ADAMTS2: variants seen among roughly 807,000 people sequenced by gnomAD.
ADAMTS2 encodes the protein A disintegrin and metalloproteinase with thrombospondin motifs 2.
A neutral mutation model predicts 123.0 loss-of-function variants in ADAMTS2; 50 were observed. The ratio of observed to expected loss-of-function variants is 0.41; its 90% CI spans 0.32 to 0.51. The LOEUF is 0.51. Among genes scored for constraint, ADAMTS2 ranks in the 20% least tolerant of loss-of-function variants. The probability of loss-of-function intolerance (pLI) is 0.35; values close to 1 mark genes in which losing one functional copy is unlikely to be tolerated. For synonymous variants in ADAMTS2, 678 were observed against 695.4 expected (o/e 0.98, Z 0.39); for missense variants, 1,494 against 1,705.2 (o/e 0.88, Z 2.18).
chr5:179,252,424 C>T (rs1171029360), intron 3 of ADAMTS2, among the ~76,000 whole-genome samples: 4 of 152,032 alleles, frequency 2.6e-5, no homozygotes, highest in Non-Finnish European at 5.9e-5. Flanking sequence ...AATTTTTAGA[C>T]CTTTTTCTTT....
At chr5:179,266,686 C>T (rs564421941) in intron 3 of ADAMTS2, among the ~76,000 whole-genome samples, 2 of 152,344 alleles carry the variant, frequency 1.3e-5, no homozygotes, top group East Asian at 3.9e-4. Context: ...TCGACAGCTA[C>T]AGGGCAGAAA....
rs370704349 is a variant in ADAMTS2 at position 179,318,355 on chromosome 5, C to T, written c.534+25412G>A. Among the ~76,000 whole-genome samples, 21 of 152,276 alleles carry T rather than the reference C, an allele frequency of 1.4e-4. No individual in the cohort carries two copies. In the East Asian group the frequency reaches 4.1e-3, roughly 29 times the overall value. On this transcript the variant is annotated intron_variant, in intron 2 of 21. Transcript: ENST00000251582. ...GAGCCCTCATTAAAAAGGCATGAGA[C>T]TAAAGCAAGACAGGGAGGAGAGGCG... is the stretch of plus-strand genomic sequence containing the variant.
chr5:179,319,064 C>T (rs1021939672), intron 2 of ADAMTS2, among the ~76,000 whole-genome samples: 8 of 152,242 alleles, frequency 5.3e-5, no homozygotes, highest in Admixed American at 5.2e-4. Context: ...ACACAGGCCC[C>T]CACACACATG....
intron 3 of ADAMTS2, among the ~76,000 whole-genome samples, chr5:179,264,016 G>C (rs1305325468): frequency 6.6e-6 from 1 of 152,192 alleles, no homozygotes; most frequent in Non-Finnish European, 1.5e-5. Flanking sequence ...GAGGCCTCCG[G>C]CTGGCACAAA....
At chr5:179,182,570 C>T (rs112370085) in intron 4 of ADAMTS2, among the ~76,000 whole-genome samples, 1 of 152,108 alleles carries the variant, frequency 6.6e-6, no homozygotes, top group Non-Finnish European at 1.5e-5. Flanking sequence ...TCCCGAGGCC[C>T]GCTGGCATCG....
intron 3 of ADAMTS2, among the ~76,000 whole-genome samples, chr5:179,246,917 G>A (rs1047046089): frequency 8.5e-5 from 13 of 152,116 alleles, no homozygotes; most frequent in Non-Finnish European, 1.3e-4. Context: ...CAAGCCCTGG[G>A]AAGTGGGGGG....
chr5:179,153,949 G>A (rs1216286232), intron 8 of ADAMTS2, 100 bp downstream of exon 8: 12 of 1,479,978 alleles, frequency 8.1e-6, no homozygotes, highest in Non-Finnish European at 1.0e-5. Context: ...GAGGACCTGA[G>A]GTCGGAGGGC....
intron 3 of ADAMTS2, among the ~76,000 whole-genome samples, chr5:179,255,156 A>AT: frequency 6.6e-6 from 1 of 152,302 alleles, no homozygotes; most frequent in South Asian, 2.1e-4. Context: ...AGACGAATGA[A>AT]TACACGATGG....
Position 179,115,397 on chromosome 5 carries a change from A to C in ADAMTS2, c.3179-1073T>G, listed in dbSNP as rs1762641145. 6.6e-6 allele frequency among the ~76,000 whole-genome samples: 1 copy of C among 152,176 alleles called. No individual in the cohort carries two copies. The highest frequency in any genetic ancestry group is 1.5e-5 in the Non-Finnish European group (1 of 68,040). The stretch of plus-strand genomic sequence containing the variant: ...AAAATTCACTCAAGAAGAAAGAATA[A>C]GTCATGTTACAGGAGATACTTGATC... On this transcript the variant is annotated intron_variant, in intron 21 of 21. Transcript: ENST00000251582. This position sits in a 1 kb window ranked among gnomAD's most constrained non-coding sequence, Gnocchi z 4.4.
intron 3 of ADAMTS2, among the ~76,000 whole-genome samples, chr5:179,215,423 GA>G (rs1267895580): frequency 6.6e-6 from 1 of 152,178 alleles, no homozygotes; most frequent in East Asian, 1.9e-4. Flanking sequence ...ACTCCAGCCT[GA>G]GCAACAAGAG....
chr5:179,301,847 A>G (rs1041185090), intron 2 of ADAMTS2, among the ~76,000 whole-genome samples: 7 of 152,272 alleles, frequency 4.6e-5, no homozygotes, highest in Non-Finnish European at 8.8e-5. Context: ...GAAGGAGTGC[A>G]GCCGGAGAGC....
intron 2 of ADAMTS2, among the ~76,000 whole-genome samples, chr5:179,304,042 G>A (rs1305801505): frequency 6.6e-6 from 1 of 152,178 alleles, no homozygotes; most frequent in Non-Finnish European, 1.5e-5. Context: ...GACTGACTTA[G>A]GAGGTGGACC....
chr5:179,134,785 TCCCGGCTC>T (rs1763025652), intron 13 of ADAMTS2, among the ~76,000 whole-genome samples: 1 of 54,656 alleles, frequency 1.8e-5, no homozygotes, highest in African/African-American at 1.1e-4. Context: ...ATCCCCCAGC[TCCCGGCTC>T]CAGCCCCCAG....
chr5:179,293,380 T>C (rs1293867363), intron 2 of ADAMTS2, among the ~76,000 whole-genome samples: 1 of 152,230 alleles, frequency 6.6e-6, no homozygotes, highest in Non-Finnish European at 1.5e-5. Context: ...AAAACTGACA[T>C]CTCAATGTGA....
At chr5:179,276,959 T>C (rs374435853) in intron 2 of ADAMTS2, among the ~76,000 whole-genome samples, 4 of 152,108 alleles carry the variant, frequency 2.6e-5, no homozygotes, top group Admixed American at 2.0e-4. Flanking sequence ...GGGGGACAGT[T>C]TGGGGTCTCC....
intron 3 of ADAMTS2, among the ~76,000 whole-genome samples, chr5:179,250,566 G>A (rs777818411): frequency 9.2e-5 from 14 of 152,176 alleles, no homozygotes; most frequent in Non-Finnish European, 7.4e-5. Flanking sequence ...ATAAAGGAAA[G>A]ATTAAACAAT....
In ADAMTS2 at chr5:179,132,078, C is replaced by T; in HGVS notation, c.2290+152G>A. 1.3e-6 allele frequency: 1 copy of T among 759,036 alleles called. No homozygotes were observed. Among genetic ancestry groups the T allele is most frequent in the South Asian group, 1.6e-5 (1 of 64,270 alleles). The allele number at this position is 759,036 out of a possible 1,614,324, so 47.0% of individuals were successfully genotyped here. ...GACCCTGGGAAAGGGCCCAGGTGGGCTGAGCAGAGGGACAGGTTGGGGAGG... is the reference window on the plus strand; with the variant it reads ...GACCCTGGGAAAGGGCCCAGGTGGGTTGAGCAGAGGGACAGGTTGGGGAGG... On this transcript the variant is annotated intron_variant, in intron 15 of 21. Transcript: ENST00000251582. This position sits in a 1 kb window ranked among gnomAD's most constrained non-coding sequence, Gnocchi z 6.1.
chr5:179,320,894 T>G (rs930607616), intron 2 of ADAMTS2, among the ~76,000 whole-genome samples: 1 of 152,086 alleles, frequency 6.6e-6, no homozygotes, highest in Non-Finnish European at 1.5e-5. Flanking sequence ...CCTGCATCCA[T>G]TTTTCTGCCT....
intron 3 of ADAMTS2, among the ~76,000 whole-genome samples, chr5:179,233,555 C>T (rs1264012180): frequency 6.6e-6 from 1 of 152,156 alleles, no homozygotes; most frequent in African/African-American, 2.4e-5. Context: ...GGCGTGTTGG[C>T]AGGCACCTGT....
Sources: allele counts gnomAD v4.1 joint callset (sites outside exome capture counted in the v4.1 genomes callset), GRCh38; gene constraint gnomAD v4.1.1; non-coding constraint Gnocchi (gnomAD v3.1); transcripts MANE v1.5; gene names NCBI Gene and HGNC (gene_info 2026-07-23, HGNC 2026-07-21).